Variants in GRAMD1B observed in about 807,000 individuals in gnomAD.
The protein encoded by GRAMD1B is GRAM domain containing 1B.
GRAMD1B carries 37 observed loss-of-function variants against 99.7 expected under a neutral mutation model. That is an observed-to-expected ratio of 0.37 (90% CI 0.29 to 0.49). The LOEUF (loss-of-function observed/expected upper bound fraction) is 0.49, where lower values mean the gene tolerates loss of function less well. Among genes scored for constraint, GRAMD1B ranks in the 20% least tolerant of loss-of-function variants. GRAMD1B has a pLI of 0.98. For synonymous variants in GRAMD1B, 427 were observed against 387.6 expected, an observed-to-expected ratio of 1.10 and a Z score of -1.19; for missense variants, 888 against 1,009.2, an observed-to-expected ratio of 0.88 and a Z score of 1.63.
intron 1 of GRAMD1B, among the ~76,000 whole-genome samples, chr11:123,467,858 CCTTT>C (rs1166400042): frequency 2.3e-5 from 3 of 128,330 alleles, no homozygotes; most frequent in Non-Finnish European, 3.3e-5. Flanking sequence ...TTCCTTCCTT[CCTTT>C]CTTTCTTTCC....
At chr11:123,604,456 G>T (rs1475273053) in intron 9 of GRAMD1B, among the ~76,000 whole-genome samples, 1 of 152,194 alleles carries the variant, frequency 6.6e-6, no homozygotes, top group African/African-American at 2.4e-5. Context: ...CTGTCGATAG[G>T]TTAAGCAAGA....
chr11:123,526,129 G>GTCACGGTCAGT, intron 2 of GRAMD1B: 1 of 1,611,430 alleles, frequency 6.2e-7, no homozygotes, highest in East Asian at 2.2e-5. Context: ...CACGGTCAGT[G>GTCACGGTCAGT]GATTATCGTG....
At chr11:123,529,104 A>G (rs538913305) in intron 2 of GRAMD1B, among the ~76,000 whole-genome samples, 1 of 152,302 alleles carries the variant, frequency 6.6e-6, no homozygotes, top group African/African-American at 2.4e-5. Flanking sequence ...AAAAAATTTA[A>G]AGGGCAATGC....
chr11:123,432,428 G>C (rs777472394), intron 1 of GRAMD1B, among the ~76,000 whole-genome samples: 3 of 151,934 alleles, frequency 2.0e-5, no homozygotes, highest in Admixed American at 6.6e-5. Flanking sequence ...GTAGTGGCAG[G>C]CTCCTGTAAT....
chr11:123,498,225 C>T (rs2714079), intron 2 of GRAMD1B, among the ~76,000 whole-genome samples: 23,211 of 152,218 alleles, frequency 0.15, 1,879 homozygotes, highest in Middle Eastern at 0.21. Context: ...TGGCGCTCTT[C>T]CTCACTGTGG....
At chr11:123,512,726 T>C (rs959066463) in intron 2 of GRAMD1B, among the ~76,000 whole-genome samples, 2 of 149,514 alleles carry the variant, frequency 1.3e-5, no homozygotes, top group East Asian at 3.9e-4. Flanking sequence ...TTTTTTTTTT[T>C]AACCTTCTCT....
At chr11:123,526,275 G>C (rs1378359485) in intron 2 of GRAMD1B, 1 of 963,164 alleles carries the variant, frequency 1.0e-6, no homozygotes, top group African/African-American at 1.6e-5. Flanking sequence ...CATCTCACCA[G>C]GCATCGAGGG....
chr11:123,599,465 A>G (rs1951682951), intron 7 of GRAMD1B: 3 of 628,362 alleles, frequency 4.8e-6, no homozygotes, highest in East Asian at 3.7e-5. Context: ...TCCCTTCACC[A>G]CGGCCTCTCG....
intron 2 of GRAMD1B, among the ~76,000 whole-genome samples, chr11:123,564,600 G>A (rs1337111646): frequency 1.3e-5 from 2 of 152,250 alleles, no homozygotes; most frequent in East Asian, 1.9e-4. Context: ...TCTCCCATCA[G>A]ACTGTGAGTT....
chr11:123,612,924 C>T (rs151071561), intron 15 of GRAMD1B, 60 bp downstream of exon 15: 30 of 927,198 alleles, frequency 3.2e-5, no homozygotes, highest in East Asian at 2.0e-4. Flanking sequence ...GCACTGCGGC[C>T]GCCCACCATT....
intron 14 of GRAMD1B, among the ~76,000 whole-genome samples, chr11:123,611,478 TG>T (rs1373783173): frequency 6.6e-6 from 1 of 152,094 alleles, no homozygotes; most frequent in Non-Finnish European, 1.5e-5. Context: ...TGGTAATTTT[TG>T]GGGGGTTGGG....
At chr11:123,487,068 C>T (rs1407665267) in intron 2 of GRAMD1B, among the ~76,000 whole-genome samples, 7 of 152,090 alleles carry the variant, frequency 4.6e-5, no homozygotes, top group Non-Finnish European at 7.4e-5. Context: ...GACTCTGTCT[C>T]AAAAGAAAAT....
At chr11:123,609,506 T>C (rs939901305) in intron 12 of GRAMD1B, among the ~76,000 whole-genome samples, 2 of 152,160 alleles carry the variant, frequency 1.3e-5, no homozygotes, top group Admixed American at 6.5e-5. Context: ...GTAACACCAG[T>C]GTTGCCAGCA....
At chr11:123,497,703 C>A (rs1390873924) in intron 2 of GRAMD1B, among the ~76,000 whole-genome samples, 1 of 152,030 alleles carries the variant, frequency 6.6e-6, no homozygotes, top group Non-Finnish European at 1.5e-5. Flanking sequence ...GAATTTGAGA[C>A]CAGCCTGGCC....
intron 1 of GRAMD1B, among the ~76,000 whole-genome samples, chr11:123,402,799 T>C (rs954426556): frequency 6.6e-6 from 1 of 152,202 alleles, no homozygotes; most frequent in African/African-American, 2.4e-5. Flanking sequence ...TCGCTCTCTC[T>C]CTTTTATTAT....
At chr11:123,512,597 G>A (rs191161317) in intron 2 of GRAMD1B, among the ~76,000 whole-genome samples, 1 of 151,738 alleles carries the variant, frequency 6.6e-6, no homozygotes, top group East Asian at 2.0e-4. Flanking sequence ...TGCACCTGTA[G>A]TCCCAGCTAC....
At chr11:123,542,269 A>G (rs1460025996) in intron 2 of GRAMD1B, among the ~76,000 whole-genome samples, 1 of 152,250 alleles carries the variant, frequency 6.6e-6, no homozygotes, top group Non-Finnish European at 1.5e-5. Context: ...CCCTGAGGAT[A>G]ATGTAAGATA....
At chr11:123,555,432 T>G (rs1398333648) in intron 2 of GRAMD1B, among the ~76,000 whole-genome samples, 1 of 152,196 alleles carries the variant, frequency 6.6e-6, no homozygotes, top group African/African-American at 2.4e-5. Context: ...CACTGCAACC[T>G]CTGCCTCCTG....
rs1018083970 is a variant in GRAMD1B, at chr11:123,591,168, G to A, written c.685-2914G>A. On this transcript the variant is annotated intron_variant, in intron 4 of 19. Transcript: ENST00000635736. This position sits in a 1 kb window ranked among gnomAD's most constrained non-coding sequence, Gnocchi z 4.7. ...AGACTGGCTGGCCAGCTTGTCCTGA[G>A]AACCACGCTGACCACCTCGGCTCAC... 2.8e-6 allele frequency: 1 copy of A among 356,990 alleles called. No individual in the cohort carries two copies. The highest frequency in any genetic ancestry group is 2.1e-5 in the African/African-American group (1 of 47,922). 22.1% of individuals were successfully genotyped at this position (356,990 alleles called of 1,614,324 possible). A position where few individuals can be genotyped will look rare whatever the true frequency, so the allele number is the denominator to read the frequency against.
Sources: allele counts gnomAD v4.1 joint callset (sites outside exome capture counted in the v4.1 genomes callset), GRCh38; gene constraint gnomAD v4.1.1; non-coding constraint Gnocchi (gnomAD v3.1); transcripts MANE v1.5; gene names NCBI Gene and HGNC (gene_info 2026-07-23, HGNC 2026-07-21).